ASXL1: variants seen among roughly 807,000 people sequenced by gnomAD.
The protein encoded by ASXL1 is polycomb group protein ASXL1.
ASXL1 carries 65 observed loss-of-function variants against 89.1 expected under a neutral mutation model. The observed-to-expected ratio is 0.73, with a 90% confidence interval of 0.60 to 0.90. The LOEUF (loss-of-function observed/expected upper bound fraction) is 0.90, where lower values mean the gene tolerates loss of function less well. ASXL1 is among the 40% of genes least tolerant of loss of function. The pLI is 0.00. For missense variants in ASXL1, 1,786 were observed against 1,942.9 expected (o/e 0.92, Z 1.52); for synonymous variants, 739 against 746.9 (o/e 0.99, Z 0.17).
At chr20:32,371,880 A>G in intron 4 of ASXL1, 1 of 411,494 alleles carries the variant, frequency 2.4e-6, no homozygotes. Flanking sequence ...TACAGGTGTG[A>G]GCAACCATAC....
chr20:32,405,418 C>T (rs1406461272), intron 4 of ASXL1, among the ~76,000 whole-genome samples: 1 of 152,150 alleles, frequency 6.6e-6, no homozygotes, highest in Non-Finnish European at 1.5e-5. Context: ...AGTATATTTG[C>T]CTTAAAGTTA....
chr20:32,436,562 C>G lies in ASXL1; in HGVS notation c.3850C>G (p.Pro1284Ala), dbSNP rs761279083. 1.9e-6 allele frequency: 3 copies of G among 1,614,208 alleles called. No individual in the cohort carries two copies. The South Asian group carries it at 3.3e-5, about 18-fold the overall frequency. ...ATCTCCAAATGTGATCTCCTTTGGT[C>G]CAGAGCAGACAGGTCGGGCCCTGGG... ...FSSPNVISFG[P>A]EQTGRALGDQ... Residue 1284 changes from proline to alanine, a missense_variant, in exon 13 of 13, where the codon CCA becomes GCA. Around this residue, in one of 3 missense-constraint regions of ASXL1, gnomAD observed 1,418 missense variants for 1,427.8 expected, o/e 0.99. Coordinates refer to ENST00000375687, the MANE Select transcript of ASXL1 (RefSeq NM_015338.6).
At chr20:32,370,078 C>T (rs960101335) in intron 4 of ASXL1, among the ~76,000 whole-genome samples, 3 of 152,076 alleles carry the variant, frequency 2.0e-5, no homozygotes, top group Non-Finnish European at 2.9e-5. Flanking sequence ...AATTACTGGT[C>T]AGCTAATGTA....
chr20:32,359,771 A>G, intron 1 of ASXL1: 1 of 718,146 alleles, frequency 1.4e-6, no homozygotes, highest in East Asian at 2.7e-5. Context: ...TTTTGTGTTC[A>G]GAGCGTCAGA....
rs1470425988 is a variant in ASXL1, at chr20:32,435,661, G to A, written c.2949G>A (p.Leu983=). Residue 983 remains leucine, a synonymous_variant, in exon 13 of 13, where the codon CTG becomes CTA. Coordinates refer to ENST00000375687, the MANE Select transcript of ASXL1 (RefSeq NM_015338.6). Reference sequence around the variant, plus strand: ...GTCAACAGGTGGACATTGAAAAGCTGAAAATCAACGGAGACTCTGAAGCAC... The same window carrying A: ...GTCAACAGGTGGACATTGAAAAGCTAAAAATCAACGGAGACTCTGAAGCAC... ...SYCQQVDIEK[L]KINGDSEALS... is the part of the protein sequence containing the mutation. 2 of 1,614,158 alleles carry A rather than the reference G, an allele frequency of 1.2e-6. No individual in the cohort carries two copies. The highest frequency in any genetic ancestry group is 4.5e-5 in the East Asian group (2 of 44,880).
chr20:32,414,976 C>T (rs573408355), intron 4 of ASXL1, among the ~76,000 whole-genome samples: 2 of 143,922 alleles, frequency 1.4e-5, no homozygotes, highest in East Asian at 4.8e-4. Context: ...TCATGATTTT[C>T]TGGTGTTTTT....
intron 1 of ASXL1, among the ~76,000 whole-genome samples, chr20:32,362,597 C>T (rs2048136808): frequency 1.3e-5 from 2 of 152,336 alleles, no homozygotes; most frequent in South Asian, 2.1e-4. Flanking sequence ...GATCGAGCTA[C>T]TGCACTCCAT....
In ASXL1 at chr20:32,427,480, C is replaced by T. The variant is rs571563457; in HGVS notation, c.253-648C>T. ...CCACATGGGTCTTACCATCTGCCCTCGTGCCCTCTCTAGCTTCCTGCATAT... is the reference window on the plus strand; with the variant it reads ...CCACATGGGTCTTACCATCTGCCCTTGTGCCCTCTCTAGCTTCCTGCATAT... On this transcript the variant is annotated intron_variant, in intron 4 of 12. Transcript: ENST00000375687. 6.2e-5 allele frequency: 10 copies of T among 161,350 alleles called. No individual in the cohort carries two copies. In the East Asian group the frequency reaches 1.3e-3, roughly 20 times the overall value. The allele number at this position is 161,350 out of a possible 1,614,324, so 10.0% of individuals were successfully genotyped here.
intron 2 of ASXL1, among the ~76,000 whole-genome samples, chr20:32,367,205 C>T (rs1034094979): frequency 5.3e-5 from 8 of 152,210 alleles, no homozygotes; most frequent in Non-Finnish European, 1.0e-4. Context: ...GGCAAAACCC[C>T]GTCTCTACTA....
At chr20:32,422,538 C>T (rs2049276180) in intron 4 of ASXL1, among the ~76,000 whole-genome samples, 1 of 145,344 alleles carries the variant, frequency 6.9e-6, no homozygotes, top group South Asian at 2.4e-4. Context: ...CCCCATCTCA[C>T]ACTCTCCCTC....
intron 4 of ASXL1, among the ~76,000 whole-genome samples, chr20:32,379,288 A>C (rs2048445708): frequency 7.0e-6 from 1 of 143,466 alleles, no homozygotes; most frequent in Non-Finnish European, 1.5e-5. Flanking sequence ...AGGTTCAAGC[A>C]GTTCTTCTGC....
chr20:32,430,552 C>T (rs540710997), intron 8 of ASXL1: 2 of 230,256 alleles, frequency 8.7e-6, no homozygotes, highest in South Asian at 1.7e-4. Context: ...ACCCCTCACC[C>T]CACCCCACCC....
intron 4 of ASXL1, among the ~76,000 whole-genome samples, chr20:32,410,233 A>G (rs2049020651): frequency 6.6e-6 from 1 of 152,214 alleles, no homozygotes; most frequent in Non-Finnish European, 1.5e-5. Flanking sequence ...AATTACAGAT[A>G]GTCCCAAGCC....
intron 12 of ASXL1, 75 bp from the exon 13 acceptor site, chr20:32,434,357 T>TC: frequency 6.5e-7 from 1 of 1,534,864 alleles, no homozygotes; most frequent in Non-Finnish European, 9.0e-7. Flanking sequence ...GCTACTAGAA[T>TC]CCTAGTTTTG....
At chr20:32,419,634 T>A (rs1388881526) in intron 4 of ASXL1, among the ~76,000 whole-genome samples, 6 of 152,018 alleles carry the variant, frequency 3.9e-5, no homozygotes, top group Admixed American at 3.3e-4. Flanking sequence ...TGTTATAAAT[T>A]ATATTTTTGT....
At chr20:32,375,502 C>T (rs1361386628) in intron 4 of ASXL1, among the ~76,000 whole-genome samples, 3 of 151,646 alleles carry the variant, frequency 2.0e-5, no homozygotes, top group Admixed American at 6.6e-5. Flanking sequence ...ACCACAATGC[C>T]GTTATCACAC....
At position 32,369,123 on chromosome 20, in the gene ASXL1, G is replaced by T; in HGVS notation, c.252G>T (p.Lys84Asn). The change falls in exon 4 of 13, where the codon AAG (lysine) becomes AAT (asparagine). Residue 84 changes from lysine (K) to asparagine (N), a missense_variant and splice_region_variant. Transcript: ENST00000375687. The stretch of plus-strand genomic sequence containing the variant: ...GCCGAATCAGCCTTTTCACGCTCAA[G>T]GTAAGTGATATGAACTCTCTTTTGG... Reference protein sequence around the residue: ...LPGRISLFTLKKDALQWSRHP... With the variant: ...LPGRISLFTLNKDALQWSRHP... 1 of 1,601,114 alleles carries T rather than the reference G, an allele frequency of 6.2e-7. No individual in the cohort carries two copies. Among genetic ancestry groups the T allele is most frequent in the Non-Finnish European group, 8.6e-7 (1 of 1,168,114 alleles).
rs549913179 is a variant in ASXL1, at chr20:32,419,032, C to A, written c.253-9096C>A. Among the ~76,000 whole-genome samples, 17 of 151,868 alleles carry A rather than the reference C, an allele frequency of 1.1e-4. No homozygotes were observed. In the South Asian group the frequency reaches 3.5e-3, roughly 32 times the overall value. ...ATTTTTGGTAGAGATGGGGTTTCAT[C>A]ATGTTGGTCAGGCTGGTCTTGAACT... is the stretch of plus-strand genomic sequence containing the variant. On this transcript the variant is annotated intron_variant, in intron 4 of 12. Transcript: ENST00000375687.
intron 4 of ASXL1, among the ~76,000 whole-genome samples, chr20:32,371,436 C>A (rs771766166): frequency 1.3e-5 from 2 of 151,760 alleles, no homozygotes; most frequent in Non-Finnish European, 2.9e-5. Flanking sequence ...CAGGCGCATA[C>A]CACTATGCCT....
Sources: gnomAD v4.1 joint callset for allele counts (sites outside exome capture counted in the v4.1 genomes callset) on GRCh38, gnomAD v4.1.1 for gene constraint, gnomAD v4.1.1 regional missense constraint, MANE v1.5 for transcripts, NCBI Gene and HGNC (gene_info 2026-07-23, HGNC 2026-07-21) for gene names.